Variants in MYCBP2 observed in about 807,000 individuals in gnomAD.
The protein encoded by MYCBP2 is E3 ubiquitin-protein ligase MYCBP2.
In MYCBP2, 120 loss-of-function variants were observed where a neutral mutation model predicts 525.3. That is an observed-to-expected ratio of 0.23 (90% CI 0.20 to 0.27). MYCBP2 has a LOEUF of 0.27. MYCBP2 is among the 10% of genes least tolerant of loss of function. The pLI, the probability that MYCBP2 is intolerant of heterozygous loss-of-function variation, is 1.00. For missense variants in MYCBP2, 4,149 were observed against 5,657.1 expected (o/e 0.73, Z 8.55); for synonymous variants, 1,894 against 1,955.8 (o/e 0.97, Z 0.83).
intron 55 of MYCBP2, chr13:77,118,243 C>A (rs972903247): frequency 1.3e-4 from 75 of 593,894 alleles, no homozygotes; most frequent in Non-Finnish European, 1.7e-4. Context: ...TTAAAAAAAA[C>A]CAGTCAGGTG....
chr13:77,146,012 A>C, intron 48 of MYCBP2, 150 bp downstream of exon 48: 1 of 507,348 alleles, frequency 2.0e-6, no homozygotes, highest in Non-Finnish European at 3.5e-6. Context: ...CTGCAAATCT[A>C]TACATTATTA....
At chr13:77,112,403 TTTATATA>T (rs1490289344) in intron 55 of MYCBP2, among the ~76,000 whole-genome samples, 2 of 147,384 alleles carry the variant, frequency 1.4e-5, no homozygotes, top group Admixed American at 6.9e-5. Context: ...TAGAATGTAT[TTTATATA>T]TTATATATTA....
At position 77,244,667 on chromosome 13, in the gene MYCBP2, G is replaced by A. The variant is rs377311458; in HGVS notation, c.2382-716C>T. Among the ~76,000 whole-genome samples, 364 of 152,250 alleles carry A rather than the reference G, an allele frequency of 2.4e-3. 4 individuals are homozygous for A. The highest frequency in any genetic ancestry group is 8.5e-3 in the African/African-American group (354 of 41,530). On this transcript the variant is annotated intron_variant, in intron 15 of 82. Transcript: ENST00000544440. ...AACAAAAGCCAAAATTGACAAATGG[G>A]ATCTAATTAAACTAAAGAGCTTCTG... is the stretch of plus-strand genomic sequence containing the variant.
At chr13:77,238,769 G>A (rs2068359820) in intron 17 of MYCBP2, among the ~76,000 whole-genome samples, 1 of 152,144 alleles carries the variant, frequency 6.6e-6, no homozygotes, top group African/African-American at 2.4e-5. Flanking sequence ...AAGAGACCTG[G>A]TGTCATAAAA....
intron 2 of MYCBP2, among the ~76,000 whole-genome samples, chr13:77,294,153 A>AC (rs2077922013): frequency 4.1e-5 from 1 of 24,326 alleles, no homozygotes; most frequent in Non-Finnish European, 1.4e-4. Context: ...CATATATATA[A>AC]AATATATATA....
chr13:77,279,998 A>T (rs115011557), intron 3 of MYCBP2, among the ~76,000 whole-genome samples: 232 of 152,360 alleles, frequency 1.5e-3, no homozygotes, highest in African/African-American at 5.3e-3. Flanking sequence ...AAACGGCTTA[A>T]TACCTCCCAT....
At chr13:77,118,278 T>C (rs147436641) in intron 55 of MYCBP2, 4 of 662,298 alleles carry the variant, frequency 6.0e-6, no homozygotes, top group East Asian at 5.3e-5. Flanking sequence ...TAGTAACTGA[T>C]AAGCAACTCA....
At chr13:77,267,082 T>C (rs973648467) in intron 8 of MYCBP2, among the ~76,000 whole-genome samples, 2 of 152,096 alleles carry the variant, frequency 1.3e-5, no homozygotes, top group African/African-American at 4.8e-5. Flanking sequence ...ATGAAATTAT[T>C]GACAGACACA....
intron 68 of MYCBP2, among the ~76,000 whole-genome samples, chr13:77,074,770 T>G (rs1342701848): frequency 2.0e-5 from 3 of 152,232 alleles, no homozygotes; most frequent in Non-Finnish European, 4.4e-5. Flanking sequence ...GGCTACATTC[T>G]GAGTGGTTCC....
chr13:77,240,708 C>T (rs2068689036), intron 17 of MYCBP2, among the ~76,000 whole-genome samples: 1 of 152,198 alleles, frequency 6.6e-6, no homozygotes, highest in Non-Finnish European at 1.5e-5. Flanking sequence ...GAACTCTGTC[C>T]TCCTTTCGCA....
At chr13:77,059,436 C>A in intron 77 of MYCBP2, 87 bp downstream of exon 77, 1 of 981,018 alleles carries the variant, frequency 1.0e-6, no homozygotes. Context: ...GCTGGAGTGA[C>A]GCTGAGCTAA....
intron 47 of MYCBP2, among the ~76,000 whole-genome samples, 171 bp from the exon 48 acceptor site, chr13:77,146,388 G>A (rs2055557792): frequency 6.6e-6 from 1 of 150,446 alleles, no homozygotes. Context: ...AATTCTACAA[G>A]GTTTGAAGAT....
intron 6 of MYCBP2, 37 bp from the exon 7 acceptor site, chr13:77,270,100 C>A: frequency 6.5e-7 from 1 of 1,545,640 alleles, no homozygotes; most frequent in South Asian, 1.2e-5. Flanking sequence ...TCAGTGGTTT[C>A]ATAATTAATA....
At chr13:77,212,498 T>C (rs1020764376) in intron 21 of MYCBP2, among the ~76,000 whole-genome samples, 3 of 152,204 alleles carry the variant, frequency 2.0e-5, no homozygotes, top group African/African-American at 4.8e-5. Context: ...TGTTAAAATA[T>C]TAGTATTCCA....
At chr13:77,074,541 C>T (rs1594262407) in intron 68 of MYCBP2, among the ~76,000 whole-genome samples, 1 of 152,206 alleles carries the variant, frequency 6.6e-6, no homozygotes, top group East Asian at 1.9e-4. Flanking sequence ...AAAAGACCTG[C>T]AAAGATCTGT....
chr13:77,051,981 G>C (rs1343282548), intron 80 of MYCBP2, 63 bp from the exon 81 acceptor site: 7 of 1,224,180 alleles, frequency 5.7e-6, no homozygotes, highest in Non-Finnish European at 8.4e-6. Flanking sequence ...GGGAGATACA[G>C]TATGGGCATA....
chr13:77,176,349 G>T, intron 36 of MYCBP2, 148 bp downstream of exon 36: 2 of 531,174 alleles, frequency 3.8e-6, no homozygotes, highest in Non-Finnish European at 3.0e-6. Context: ...TAGGTACGTA[G>T]TAGGTACTCC....
At chr13:77,083,290 A>G (rs2043620506) in intron 62 of MYCBP2, 98 bp from the exon 63 acceptor site, 7 of 1,137,342 alleles carry the variant, frequency 6.2e-6, no homozygotes, top group Non-Finnish European at 8.4e-6. Flanking sequence ...GTCATGTAAC[A>G]GAAATACAAA....
chr13:77,061,911 A>G, intron 74 of MYCBP2, 121 bp from the exon 75 acceptor site: 3 of 1,028,200 alleles, frequency 2.9e-6, no homozygotes, highest in Non-Finnish European at 4.0e-6. Context: ...AGAATTTAGA[A>G]TCTGAATATT....
Sources: gnomAD v4.1 joint callset for allele counts (sites outside exome capture counted in the v4.1 genomes callset) on GRCh38, gnomAD v4.1.1 for gene constraint, MANE v1.5 for transcripts, NCBI Gene and HGNC (gene_info 2026-07-23, HGNC 2026-07-21) for gene names.